RNF180: variants seen among roughly 807,000 people sequenced by gnomAD.
The protein encoded by RNF180 is ring finger protein 180.
Under a neutral mutation model 59.2 loss-of-function variants are expected in RNF180, and 38 were observed. The ratio of observed to expected loss-of-function variants is 0.64; its 90% CI spans 0.50 to 0.84. The LOEUF (loss-of-function observed/expected upper bound fraction) is 0.84. Ranked by LOEUF, RNF180 falls within the 40% of genes least tolerant of loss-of-function variation. The probability of loss-of-function intolerance (pLI) is 0.00; values close to 1 mark genes in which losing one functional copy is unlikely to be tolerated. For synonymous variants in RNF180, 262 were observed against 240.3 expected, an observed-to-expected ratio of 1.09 and a Z score of -0.84; for missense variants, 705 against 700.9, an observed-to-expected ratio of 1.01 and a Z score of -0.07.
chr5:64,237,547 T>C (rs1361589433), intron 5 of RNF180, among the ~76,000 whole-genome samples: 4 of 152,128 alleles, frequency 2.6e-5, no homozygotes, highest in Non-Finnish European at 5.9e-5. Context: ...GCTGGAATGA[T>C]TTAAGACTTT....
chr5:64,206,123 C>T (rs1471601573), intron 2 of RNF180, among the ~76,000 whole-genome samples: 2 of 152,118 alleles, frequency 1.3e-5, no homozygotes, highest in Non-Finnish European at 2.9e-5. Flanking sequence ...AGTTAGCATA[C>T]AAACTATATA....
intron 5 of RNF180, among the ~76,000 whole-genome samples, chr5:64,265,657 G>A (rs1035384167): frequency 6.6e-6 from 1 of 152,130 alleles, no homozygotes; most frequent in Non-Finnish European, 1.5e-5. Flanking sequence ...AAGTCAGGTA[G>A]CGTGATGCCT....
intron 1 of RNF180, among the ~76,000 whole-genome samples, chr5:64,197,080 T>G (rs1751490167): frequency 6.6e-6 from 1 of 152,220 alleles, no homozygotes; most frequent in South Asian, 2.1e-4. Flanking sequence ...GAATTATTAC[T>G]GTGTCAAATG....
intron 5 of RNF180, among the ~76,000 whole-genome samples, chr5:64,268,048 G>C (rs1744790734): frequency 1.3e-5 from 2 of 152,122 alleles, no homozygotes; most frequent in African/African-American, 4.8e-5. Context: ...ATGGGTCACA[G>C]TTTAAGAAAC....
At position 64,339,035 on chromosome 5, in the gene RNF180, AT is replaced by A. The variant is rs201958815; in HGVS notation, c.1579+8637del. On this transcript the variant is annotated intron_variant, in intron 7 of 7. Coordinates refer to ENST00000389100, the MANE Select transcript of RNF180 (RefSeq NM_001113561.2). ...AAGTTTATATATCTTTTTGCTGAGA[AT>A]TTTTTTTGTGTCAAATTTGTTAGCC... Among the ~76,000 whole-genome samples the A allele has an allele frequency of 1.5e-4, 23 of 150,530 alleles. No homozygotes were observed. The East Asian group carries it at 1.8e-3, about 12-fold the overall frequency.
intron 5 of RNF180, among the ~76,000 whole-genome samples, chr5:64,303,581 C>T (rs960574996): frequency 5.9e-5 from 9 of 151,668 alleles, no homozygotes; most frequent in African/African-American, 2.2e-4. Flanking sequence ...ACAATATTCC[C>T]TTAAGCCAAA....
intron 1 of RNF180, among the ~76,000 whole-genome samples, chr5:64,176,971 G>A (rs1750271910): frequency 1.3e-5 from 2 of 152,138 alleles, no homozygotes; most frequent in Non-Finnish European, 2.9e-5. Flanking sequence ...TAAATTGGGG[G>A]CTGTCTACTC....
chr5:64,263,722 TTGA>T (rs1744491193), intron 5 of RNF180, among the ~76,000 whole-genome samples: 1 of 152,198 alleles, frequency 6.6e-6, no homozygotes, highest in Non-Finnish European at 1.5e-5. Context: ...AATTTATTAT[TTGA>T]TGAAGTCTTG....
intron 2 of RNF180, among the ~76,000 whole-genome samples, chr5:64,202,875 A>C (rs1050643429): frequency 6.6e-6 from 1 of 152,186 alleles, no homozygotes; most frequent in African/African-American, 2.4e-5. Flanking sequence ...AAGATTAGGT[A>C]ATTTTCCCAA....
At chr5:64,309,630 A>C (rs1743655688) in intron 5 of RNF180, among the ~76,000 whole-genome samples, 1 of 151,222 alleles carries the variant, frequency 6.6e-6, no homozygotes, top group Admixed American at 6.6e-5. Flanking sequence ...ATACTTGGAG[A>C]TCTCTTGAAC....
intron 5 of RNF180, among the ~76,000 whole-genome samples, chr5:64,298,746 G>A (rs115473774): frequency 2.8e-4 from 43 of 151,996 alleles, no homozygotes; most frequent in Admixed American, 2.8e-3. Context: ...CGCTGAACCA[G>A]AGCAGGTTCA....
chr5:64,334,280 A>T (rs369390310), intron 7 of RNF180, among the ~76,000 whole-genome samples: 9 of 152,310 alleles, frequency 5.9e-5, no homozygotes, highest in African/African-American at 1.9e-4. Context: ...AAGCCGTCAG[A>T]TAGATATAAG....
intron 5 of RNF180, among the ~76,000 whole-genome samples, chr5:64,303,540 C>G (rs574090665): frequency 5.4e-4 from 82 of 151,544 alleles, no homozygotes; most frequent in Non-Finnish European, 8.7e-4. Flanking sequence ...GAAGACAGTT[C>G]GAATGGTCTA....
intron 1 of RNF180, among the ~76,000 whole-genome samples, chr5:64,189,925 G>A (rs1347720483): frequency 6.6e-6 from 1 of 152,202 alleles, no homozygotes; most frequent in African/African-American, 2.4e-5. Flanking sequence ...ATCTGGCTAT[G>A]AATATGCCTT....
intron 4 of RNF180, among the ~76,000 whole-genome samples, chr5:64,216,362 A>G (rs1243000153): frequency 1.3e-5 from 2 of 152,196 alleles, no homozygotes; most frequent in East Asian, 1.9e-4. Context: ...AGTTCATTCC[A>G]TATTTAATAA....
intron 1 of RNF180, among the ~76,000 whole-genome samples, chr5:64,184,625 T>G (rs548534972): frequency 6.6e-6 from 1 of 152,182 alleles, no homozygotes; most frequent in Non-Finnish European, 1.5e-5. Flanking sequence ...CCATATCACC[T>G]GAGAATCCTA....
intron 5 of RNF180, among the ~76,000 whole-genome samples, chr5:64,255,576 C>T (rs1211302426): frequency 6.6e-6 from 1 of 152,182 alleles, no homozygotes; most frequent in Non-Finnish European, 1.5e-5. Flanking sequence ...ATATGTGCCA[C>T]ATTTTCTTAA....
At chr5:64,218,524 T>C (rs1186886233) in intron 5 of RNF180, among the ~76,000 whole-genome samples, 2 of 152,228 alleles carry the variant, frequency 1.3e-5, no homozygotes, top group East Asian at 3.8e-4. Flanking sequence ...GACTTTGTTA[T>C]TCTTTTTCAA....
intron 1 of RNF180, among the ~76,000 whole-genome samples, chr5:64,186,102 G>A (rs1198913515): frequency 6.6e-6 from 1 of 152,070 alleles, no homozygotes; most frequent in African/African-American, 2.4e-5. Context: ...ATCTTTTGAG[G>A]TAACCTAGTA....
Sources: gnomAD v4.1 joint callset for allele counts (sites outside exome capture counted in the v4.1 genomes callset) on GRCh38, gnomAD v4.1.1 for gene constraint, MANE v1.5 for transcripts, NCBI Gene and HGNC (gene_info 2026-07-23, HGNC 2026-07-21) for gene names.